The following ASB3 variants were observed in gnomAD, a reference collection of about 807,000 sequenced individuals.
ASB3 encodes ankyrin repeat and SOCS box containing 3, also known as ankyrin repeat and SOCS box protein 3.
A neutral mutation model predicts 54.5 loss-of-function variants in ASB3; 41 were observed. The observed-to-expected ratio is 0.75, with a 90% CI of 0.59 to 0.98. ASB3 has a LOEUF of 0.98. ASB3 is among the 50% of genes least tolerant of loss of function. The probability of loss-of-function intolerance (pLI) is 0.00; values close to 1 mark genes in which losing one functional copy is unlikely to be tolerated. For synonymous variants in ASB3, 266 were observed against 221.2 expected, an observed-to-expected ratio of 1.20 and a Z score of -1.80; for missense variants, 733 against 620.0, an observed-to-expected ratio of 1.18 and a Z score of -1.94.
At chr2:53,694,767 C>T (rs1054051411) in intron 8 of ASB3, among the ~76,000 whole-genome samples, 5 of 152,114 alleles carry the variant, frequency 3.3e-5, no homozygotes, top group African/African-American at 1.2e-4. Context: ...TATTTAAACT[C>T]TCGCTCCTGC....
At chr2:53,677,968 T>C (rs1380856802) in intron 9 of ASB3, among the ~76,000 whole-genome samples, 1 of 152,322 alleles carries the variant, frequency 6.6e-6, no homozygotes, top group African/African-American at 2.4e-5. Flanking sequence ...GTGGTAGTCA[T>C]TTTTATTTTA....
intron 1 of ASB3, chr2:53,774,162 T>G: frequency 6.2e-7 from 1 of 1,610,226 alleles, no homozygotes; most frequent in Non-Finnish European, 8.5e-7. Flanking sequence ...GGGGTGTTGC[T>G]TACAGATTGC....
chr2:53,765,434 T>G lies in ASB3; in HGVS notation c.139A>C (p.Ile47Leu). 1 of 1,614,268 alleles carries G rather than the reference T, an allele frequency of 6.2e-7. No homozygotes were observed. Among genetic ancestry groups the G allele is most frequent in the South Asian group, 1.1e-5 (1 of 91,086 alleles). Reference sequence around the variant, plus strand: ...GAGTTGTGATAAGCTGCTTCATGAATTGGCATCCATCCCCTGTTATCAGCA... The same window carrying G: ...GAGTTGTGATAAGCTGCTTCATGAAGTGGCATCCATCCCCTGTTATCAGCA... ...DVADNRGWMP[I>L]HEAAYHNSVE... The change falls in exon 2 of 10, where the codon ATT becomes CTT. Residue 47 changes from isoleucine (I) to leucine (L), a missense_variant. By Grantham distance (5) the Ile-to-Leu change is conservative (BLOSUM62 2). Coordinates refer to ENST00000263634, the MANE Select transcript of ASB3 (RefSeq NM_016115.5).
intron 3 of ASB3, among the ~76,000 whole-genome samples, chr2:53,736,308 C>G (rs190277048): frequency 6.6e-6 from 1 of 152,166 alleles, no homozygotes; most frequent in Non-Finnish European, 1.5e-5. Context: ...ACACCACCCA[C>G]CAGAATATTT....
At chr2:53,679,413 G>A (rs921383626) in intron 9 of ASB3, among the ~76,000 whole-genome samples, 3 of 152,030 alleles carry the variant, frequency 2.0e-5, no homozygotes, top group Non-Finnish European at 2.9e-5. Context: ...CTGGTCTTAT[G>A]GGCTTTTTTT....
chr2:53,728,572 T>C, intron 5 of ASB3, 140 bp downstream of exon 5: 1 of 1,140,820 alleles, frequency 8.8e-7, no homozygotes, highest in Non-Finnish European at 1.1e-6. Context: ...TAAATCAATT[T>C]GTATTTACTC....
At position 53,670,410 on chromosome 2, in the gene ASB3, A is replaced by C; in HGVS notation, c.*93T>G. On this transcript the variant is annotated 3_prime_UTR_variant, in exon 10 of 10. Coordinates refer to ENST00000263634, the MANE Select transcript of ASB3 (RefSeq NM_016115.5). ...TCTCACAATCAATAATCATCTTTTG[A>C]CTATAAAATCATAAAAACTTGTACT... 7.2e-7 allele frequency: 1 copy of C among 1,394,426 alleles called. No homozygotes were observed. The highest frequency in any genetic ancestry group is 1.5e-5 in the South Asian group (1 of 67,876). The allele number at this position is 1,394,426 out of a possible 1,614,324, so 86.4% of individuals were successfully genotyped here.
At chr2:53,724,983 G>A (rs1670913652) in intron 5 of ASB3, among the ~76,000 whole-genome samples, 1 of 152,114 alleles carries the variant, frequency 6.6e-6, no homozygotes, top group South Asian at 2.1e-4. Context: ...GCACTTGCAT[G>A]TTCATCACGG....
At chr2:53,671,334 GATCT>G (rs1389255423) in intron 9 of ASB3, among the ~76,000 whole-genome samples, 4 of 148,838 alleles carry the variant, frequency 2.7e-5, no homozygotes, top group Non-Finnish European at 5.9e-5. Flanking sequence ...TTCAAACTCA[GATCT>G]ATCTGAACCC....
intron 1 of ASB3, among the ~76,000 whole-genome samples, chr2:53,770,164 T>C (rs1673795916): frequency 6.6e-6 from 1 of 152,178 alleles, no homozygotes. Context: ...GAAATCTAAA[T>C]GTCCAAGAAC....
chr2:53,774,616 A>C, intron 1 of ASB3: 1 of 939,102 alleles, frequency 1.1e-6, no homozygotes, highest in Non-Finnish European at 1.5e-6. Flanking sequence ...TGTAGTGAGG[A>C]TATTATTTAA....
intron 7 of ASB3, among the ~76,000 whole-genome samples, chr2:53,703,319 A>C (rs948735089): frequency 1.3e-5 from 2 of 152,244 alleles, no homozygotes. Flanking sequence ...CAGGATCTAT[A>C]CAGTAGTGGA....
rs2104022672 is a variant in ASB3 at position 53,754,247 on chromosome 2, T to C, written c.197-3306A>G. Among the ~76,000 whole-genome samples, 3 of 152,278 alleles carry C rather than the reference T, an allele frequency of 2.0e-5. No homozygotes were observed. In the South Asian group the frequency reaches 6.2e-4, roughly 32 times the overall value. ...GTTCATGCAGATATAAATGACTAAATATATAAATTAACGGGAGAGAAGAGA... is the reference window on the plus strand; with the variant it reads ...GTTCATGCAGATATAAATGACTAAACATATAAATTAACGGGAGAGAAGAGA... On this transcript the variant is annotated intron_variant, in intron 2 of 9. Coordinates refer to ENST00000263634, the MANE Select transcript of ASB3 (RefSeq NM_016115.5).
At chr2:53,715,270 A>T (rs1670322398) in intron 6 of ASB3, among the ~76,000 whole-genome samples, 1 of 152,164 alleles carries the variant, frequency 6.6e-6, no homozygotes, top group South Asian at 2.1e-4. Context: ...AAAAAGGACT[A>T]TTCTACCCTT....
intron 2 of ASB3, 155 bp downstream of exon 2, chr2:53,765,222 C>G (rs886291010): frequency 3.0e-6 from 2 of 663,460 alleles, no homozygotes; most frequent in Non-Finnish European, 3.7e-6. Context: ...CCAAGGCAGG[C>G]AATCTTACTA....
intron 2 of ASB3, among the ~76,000 whole-genome samples, chr2:53,764,814 T>C (rs1291585026): frequency 6.6e-6 from 1 of 152,260 alleles, no homozygotes; most frequent in Non-Finnish European, 1.5e-5. Flanking sequence ...TCTGTTTTAT[T>C]ATCTCTACTT....
At chr2:53,720,138 CAA>C (rs199786882) in intron 5 of ASB3, among the ~76,000 whole-genome samples, 8,565 of 140,990 alleles carry the variant, frequency 0.061, 434 homozygotes, top group East Asian at 0.29. Flanking sequence ...ATCAGAAACT[CAA>C]AAAAAAAAAA....
At chr2:53,765,795 G>T (rs1673412825) in intron 1 of ASB3, among the ~76,000 whole-genome samples, 1 of 152,270 alleles carries the variant, frequency 6.6e-6, no homozygotes, top group Non-Finnish European at 1.5e-5. Context: ...TCCTTGGAAG[G>T]TTCCCACTAA....
intron 3 of ASB3, among the ~76,000 whole-genome samples, chr2:53,730,276 A>C (rs1671227965): frequency 6.6e-6 from 1 of 152,212 alleles, no homozygotes; most frequent in Non-Finnish European, 1.5e-5. Flanking sequence ...GTACAAACAC[A>C]CACACACACC....
Sources: allele counts gnomAD v4.1 joint callset (sites outside exome capture counted in the v4.1 genomes callset), GRCh38; gene constraint gnomAD v4.1.1; transcripts MANE v1.5; gene names NCBI Gene and HGNC (gene_info 2026-07-23, HGNC 2026-07-21).